The following RIPK1 variants were observed in gnomAD, a reference collection of about 807,000 sequenced individuals.
RIPK1 encodes the protein receptor-interacting serine/threonine-protein kinase 1.
RIPK1 carries 27 observed loss-of-function variants against 62.4 expected under a neutral mutation model. That is an observed-to-expected ratio of 0.43 (90% CI 0.32 to 0.60). The LOEUF is 0.60. Among genes scored for constraint, RIPK1 ranks in the 20% least tolerant of loss-of-function variants. The pLI, the probability that RIPK1 is intolerant of heterozygous loss-of-function variation, is 0.07. For synonymous variants in RIPK1, 287 were observed against 303.2 expected, an observed-to-expected ratio of 0.95 and a Z score of 0.55; for missense variants, 735 against 831.0, an observed-to-expected ratio of 0.88 and a Z score of 1.42.
chr6:3,083,448 T>C (rs1214166475), intron 5 of RIPK1, 135 bp downstream of exon 5: 5 of 700,346 alleles, frequency 7.1e-6, no homozygotes, highest in Non-Finnish European at 1.2e-5. Context: ...ATAGGATGAA[T>C]AGGAACCTCG....
intron 4 of RIPK1, 34 bp downstream of exon 4, chr6:3,081,150 G>C: frequency 6.2e-7 from 1 of 1,605,380 alleles, no homozygotes; most frequent in Non-Finnish European, 8.5e-7. Flanking sequence ...CAGAAAGTTG[G>C]GTGATTTTAG....
chr6:3,105,674 G>T lies in RIPK1; in HGVS notation c.1199G>T (p.Arg400Ile). ...GACAGGCAGACGAAACAGCAGCCCA[G>T]ACAGAATGTGGCTTACAACAGAGAG... ...RMDRQTKQQP[R>I]QNVAYNREEE... The change falls in exon 9 of 11, where the codon AGA becomes ATA. Residue 400 changes from arginine (R) to isoleucine (I), a missense_variant. This residue lies in a region of RIPK1 where 671 missense variants were observed against 726.2 expected (regional missense o/e 0.92). Coordinates refer to ENST00000259808, the MANE Select transcript of RIPK1 (RefSeq NM_001354930.2). This position sits in a 1 kb window ranked among gnomAD's most constrained non-coding sequence, Gnocchi z 4.5. 2 of 1,614,102 alleles carry T rather than the reference G, an allele frequency of 1.2e-6. No homozygotes were observed. Among genetic ancestry groups the T allele is most frequent in the Non-Finnish European group, 1.7e-6 (2 of 1,179,978 alleles).
chr6:3,082,997 T>A, intron 4 of RIPK1, 88 bp from the exon 5 acceptor site: 1 of 1,275,974 alleles, frequency 7.8e-7, no homozygotes. Context: ...GTACCTTATG[T>A]ATAATGGATA....
chr6:3,095,934 T>A (rs1241399172), intron 7 of RIPK1, among the ~76,000 whole-genome samples: 1 of 151,120 alleles, frequency 6.6e-6, no homozygotes, highest in Non-Finnish European at 1.5e-5. Flanking sequence ...ATCCTTGACC[T>A]CCCAGGCCGA....
chr6:3,107,951 A>G (rs1461557625), intron 9 of RIPK1, among the ~76,000 whole-genome samples: 1 of 151,898 alleles, frequency 6.6e-6, no homozygotes, highest in Non-Finnish European at 1.5e-5. Context: ...TGATCCTGCC[A>G]GGTACTAAGC....
intron 2 of RIPK1, among the ~76,000 whole-genome samples, chr6:3,077,328 C>G (rs1759122915): frequency 6.6e-6 from 1 of 152,074 alleles, no homozygotes; most frequent in African/African-American, 2.4e-5. Context: ...TCAGTGAGGA[C>G]CAGCCCTAAG....
In RIPK1 at chr6:3,075,821, G is replaced by A. The variant is rs534080806; in HGVS notation, c.-60-943G>A. On this transcript the variant is annotated intron_variant, in intron 1 of 10. Transcript: ENST00000259808. The stretch of plus-strand genomic sequence containing the variant: ...GTATCTATTTCAAGACAGGCCCAAG[G>A]TTATAAATTTGCACAAACTTTTTTT... Among the ~76,000 whole-genome samples, 373 of 142,292 alleles carry A rather than the reference G, an allele frequency of 2.6e-3. 2 individuals are homozygous for A. Among genetic ancestry groups the A allele is most frequent in the African/African-American group, 9.2e-3 (353 of 38,570 alleles). The allele number at this position is 142,292 out of a possible 152,430, so 93.3% of individuals were successfully genotyped here. A position where few individuals can be genotyped will look rare whatever the true frequency, so the allele number is the denominator to read the frequency against.
At chr6:3,082,507 TG>T (rs1245313005) in intron 4 of RIPK1, among the ~76,000 whole-genome samples, 1 of 152,218 alleles carries the variant, frequency 6.6e-6, no homozygotes, top group Non-Finnish European at 1.5e-5. Context: ...TCTGCTTTTT[TG>T]TCTGTTTTTC....
At chr6:3,069,854 T>A (rs1036763668) in intron 1 of RIPK1, among the ~76,000 whole-genome samples, 3 of 152,058 alleles carry the variant, frequency 2.0e-5, no homozygotes, top group African/African-American at 7.2e-5. Flanking sequence ...CTACTAAAAA[T>A]ACAAAAATTA....
intron 5 of RIPK1, among the ~76,000 whole-genome samples, chr6:3,085,054 G>A (rs1228174670): frequency 6.6e-6 from 1 of 152,170 alleles, no homozygotes; most frequent in Non-Finnish European, 1.5e-5. Flanking sequence ...GCTTTGTCGA[G>A]AATTTTGTTT....
rs1445301688 is a variant in RIPK1, at chr6:3,072,480, C to T, written c.-61+3819C>T. 6.6e-6 allele frequency among the ~76,000 whole-genome samples: 1 copy of T among 151,950 alleles called. No homozygotes were observed. Among genetic ancestry groups the T allele is most frequent in the Non-Finnish European group, 1.5e-5 (1 of 68,008 alleles). On this transcript the variant is annotated intron_variant, in intron 1 of 10. Coordinates refer to ENST00000259808, the MANE Select transcript of RIPK1 (RefSeq NM_001354930.2). The surrounding 1 kb of genome is among the most constrained non-coding windows in gnomAD (Gnocchi z 5.6). Reference sequence around the variant, plus strand: ...CAATTTTGAATGGCTATATAATATTCTGTTAGGAGTGTGCCGTAATTCATT... The same window carrying T: ...CAATTTTGAATGGCTATATAATATTTTGTTAGGAGTGTGCCGTAATTCATT...
At chr6:3,100,683 C>G (rs554078696) in intron 7 of RIPK1, among the ~76,000 whole-genome samples, 2 of 151,832 alleles carry the variant, frequency 1.3e-5, no homozygotes, top group African/African-American at 4.8e-5. Flanking sequence ...CTCCACCTCC[C>G]GGGTTCAAGT....
At chr6:3,090,647 T>A (rs1760006047) in intron 7 of RIPK1, among the ~76,000 whole-genome samples, 1 of 152,136 alleles carries the variant, frequency 6.6e-6, no homozygotes, top group Non-Finnish European at 1.5e-5. Flanking sequence ...ACATCTCTCT[T>A]CAATTGATAG....
At chr6:3,087,819 T>C (rs1205062690) in intron 6 of RIPK1, among the ~76,000 whole-genome samples, 2 of 152,182 alleles carry the variant, frequency 1.3e-5, no homozygotes, top group Non-Finnish European at 2.9e-5. Context: ...ATTACAGGTG[T>C]GAGCCACTGT....
chr6:3,076,979 C>A lies in RIPK1; in HGVS notation c.156C>A (p.Asn52Lys), dbSNP rs1759098731. 3 of 1,589,408 alleles carry A rather than the reference C, an allele frequency of 1.9e-6. No individual in the cohort carries two copies. The highest frequency in any genetic ancestry group is 2.6e-6 in the Non-Finnish European group (3 of 1,166,596). Residue 52 changes from asparagine (N) to lysine (K), a missense_variant, in exon 2 of 11, where the codon AAC (asparagine) becomes AAA (lysine). Transcript: ENST00000259808. The stretch of plus-strand genomic sequence containing the variant: ...TGAAAACAGTGTACAAGGGGCCCAA[C>A]TGCATTGAGTGAGTAGGGAGCAGGG... ...MIMKTVYKGP[N>K]CIEHNEALLE...
At chr6:3,066,422 T>A (rs1375341680), upstream of RIPK1, among the ~76,000 whole-genome samples, 1 of 152,224 alleles carries the variant, frequency 6.6e-6, no homozygotes, top group East Asian at 1.9e-4. Flanking sequence ...TTCCTTTTTG[T>A]ATTTCTTGTA....
chr6:3,097,662 C>A (rs935917109), intron 7 of RIPK1, among the ~76,000 whole-genome samples: 5 of 152,092 alleles, frequency 3.3e-5, no homozygotes, highest in African/African-American at 9.7e-5. Context: ...GAGAATTTGT[C>A]CATATCCTCA....
intron 7 of RIPK1, among the ~76,000 whole-genome samples, chr6:3,101,697 A>G (rs1196516337): frequency 6.6e-6 from 1 of 152,176 alleles, no homozygotes; most frequent in South Asian, 2.1e-4. Context: ...GGGCAAAACT[A>G]TGGATAGGTT....
rs1426664321 is a variant in RIPK1 at position 3,089,804 on chromosome 6, A to G, written c.915+147A>G. 3 of 581,444 alleles carry G rather than the reference A, an allele frequency of 5.2e-6. No individual in the cohort carries two copies. The Admixed American group carries it at 9.8e-5, about 19-fold the overall frequency. The allele number at this position is 581,444 out of a possible 1,614,324, so 36.0% of individuals were successfully genotyped here. ...AAACAAAATGAGCAATTGTCTGCAC[A>G]TATCATCCTGTTGGCATACTGGACC... On this transcript the variant is annotated intron_variant, in intron 7 of 10. Coordinates refer to ENST00000259808, the MANE Select transcript of RIPK1 (RefSeq NM_001354930.2).
Sources: gnomAD v4.1 joint callset for allele counts (sites outside exome capture counted in the v4.1 genomes callset) on GRCh38, gnomAD v4.1.1 for gene constraint, gnomAD v4.1.1 regional missense constraint, Gnocchi (gnomAD v3.1) non-coding constraint, MANE v1.5 for transcripts, NCBI Gene and HGNC (gene_info 2026-07-23, HGNC 2026-07-21) for gene names.